ANO7: variants seen among roughly 807,000 people sequenced by gnomAD.
The protein encoded by ANO7 is anoctamin 7, also known as anoctamin-7.
A neutral mutation model predicts 115.8 loss-of-function variants in ANO7; 114 were observed. The ratio of observed to expected loss-of-function variants is 0.98; its 90% confidence interval spans 0.85 to 1.15. The LOEUF (loss-of-function observed/expected upper bound fraction) is 1.15, where lower values mean the gene tolerates loss of function less well. ANO7 is among the 50% of genes most tolerant of loss of function. ANO7 has a pLI of 0.00. For synonymous variants in ANO7, 550 were observed against 498.2 expected, an observed-to-expected ratio of 1.10 and a Z score of -1.38; for missense variants, 1,302 against 1,201.2, an observed-to-expected ratio of 1.08 and a Z score of -1.24.
the ANO7 span, chr2:241,238,502 G>T: frequency 3.4e-6 from 2 of 582,878 alleles, no homozygotes; most frequent in Non-Finnish European, 5.7e-6. The surrounding 1 kb of genome is among the most constrained non-coding windows in gnomAD (Gnocchi z 4.9). Context: ...GCCAGGGAGT[G>T]ACCCTGAACC....
chr2:241,201,205 C>T (rs992295678), intron 6 of ANO7, 93 bp from the exon 7 acceptor site: 75 of 1,475,400 alleles, frequency 5.1e-5, no homozygotes, highest in Admixed American at 8.3e-5. Context: ...CCTTCTGCAC[C>T]GTTCACATGC....
rs1388569319 is a variant in ANO7, at chr2:241,207,613, C to T, written c.1020C>T (p.Cys340=). 1.3e-5 allele frequency: 21 copies of T among 1,613,686 alleles called. No homozygotes were observed. The highest frequency in any genetic ancestry group is 1.7e-5 in the Non-Finnish European group (20 of 1,179,996). ...GCAGCAAGGACAGCTTCGAGATGTGCCCACTTTGCCTCGACTGCCCTTTCT... is the reference window on the plus strand; with the variant it reads ...GCAGCAAGGACAGCTTCGAGATGTGTCCACTTTGCCTCGACTGCCCTTTCT... ...LCGSKDSFEM[C]PLCLDCPFWL... is the part of the protein sequence containing the mutation. The change falls in exon 11 of 25, where the codon TGC becomes TGT. Residue 340 remains cysteine (C), a synonymous_variant. Transcript: ENST00000674324.
chr2:241,189,280 G>A (rs1405208973), intron 1 of ANO7, among the ~76,000 whole-genome samples: 1 of 152,188 alleles, frequency 6.6e-6, no homozygotes, highest in African/African-American at 2.4e-5. Context: ...TGTCCCTCTG[G>A]GCCTCCGCTA....
At chr2:241,236,681 C>T in the ANO7 span, 1 of 1,614,072 alleles carries the variant, frequency 6.2e-7, no homozygotes, top group African/African-American at 1.3e-5. Flanking sequence ...TGTCACACCT[C>T]CTTGGAGAGC....
the ANO7 span, chr2:241,231,283 C>A: frequency 5.5e-6 from 1 of 181,404 alleles, no homozygotes; most frequent in African/African-American, 2.4e-5. Context: ...ACTCCCGGGG[C>A]TGAGGCACGA....
intron 10 of ANO7, 147 bp from the exon 11 acceptor site, chr2:241,207,427 A>AT (rs1039239762): frequency 1.1e-4 from 66 of 618,560 alleles, no homozygotes; most frequent in Middle Eastern, 3.5e-4. Flanking sequence ...TAAAACAACT[A>AT]TTTTTTTTAA....
chr2:241,232,319 A>C, the ANO7 span, among the ~76,000 whole-genome samples: 1 of 149,628 alleles, frequency 6.7e-6, no homozygotes, highest in Non-Finnish European at 1.5e-5. Flanking sequence ...TCTGTCGCCC[A>C]GGCTGGAGTG....
In ANO7 at chr2:241,203,362, G is replaced by A. The variant is rs1251536933; in HGVS notation, c.753G>A (p.Pro251=). The A allele has an allele frequency of 1.8e-5, 28 of 1,580,086 alleles. No individual in the cohort carries two copies. The highest frequency in any genetic ancestry group is 2.3e-5 in the East Asian group (1 of 42,912). ...CCTTCAAGACGCCCCCAGAGGGCCC[G>A]CAGGCTCCACGCCTCAACCAGCGCC... ...DGPFKTPPEG[P]QAPRLNQRQV... Residue 251 remains proline (P), a synonymous_variant, in exon 9 of 25, where the codon CCG becomes CCA. Coordinates refer to ENST00000674324, the MANE Select transcript of ANO7 (RefSeq NM_001370694.2). The surrounding 1 kb of genome is among the most constrained non-coding windows in gnomAD (Gnocchi z 4.8).
the ANO7 span, among the ~76,000 whole-genome samples, chr2:241,231,889 G>A: frequency 1.9e-4 from 19 of 98,830 alleles, no homozygotes; most frequent in Non-Finnish European, 3.1e-4. Context: ...ACTAGAGGAC[G>A]GGGACAAATC....
rs2069068979 is a variant in ANO7, at chr2:241,223,221, C to T, written c.2357C>T (p.Ser786Phe). 6.2e-7 allele frequency: 1 copy of T among 1,614,092 alleles called. No homozygotes were observed. The highest frequency in any genetic ancestry group is 1.7e-5 in the Admixed American group (1 of 60,006). ...RAFRDDDGHY[S>F]QTYWNLLAIR... ...TTCCGGGATGACGATGGACATTATT[C>T]CCAGACCTACTGGAATCTTCTTGCC... is the stretch of plus-strand genomic sequence containing the variant. Residue 786 changes from serine to phenylalanine, a missense_variant, in exon 22 of 25, where the codon TCC becomes TTC. By Grantham distance (155) the Ser-to-Phe change is radical (BLOSUM62 -2). Transcript: ENST00000674324.
chr2:241,224,285 C>T lies in ANO7; in HGVS notation c.*132C>T. ...TGCTGTTGTGCCTCATCTCTGGGCA[C>T]ATTGCCTGCTTCCCCCCAGCGCCGG... is the stretch of plus-strand genomic sequence containing the variant. On this transcript the variant is annotated 3_prime_UTR_variant, in exon 25 of 25. Transcript: ENST00000674324. 1 of 1,003,842 alleles carries T rather than the reference C, an allele frequency of 1.0e-6. No homozygotes were observed. The highest frequency in any genetic ancestry group is 1.5e-6 in the Non-Finnish European group (1 of 685,996). The allele number at this position is 1,003,842 out of a possible 1,614,324, so 62.2% of individuals were successfully genotyped here.
downstream of ANO7, chr2:241,229,987 G>A: frequency 6.3e-7 from 1 of 1,582,350 alleles, no homozygotes; most frequent in Non-Finnish European, 8.6e-7. Flanking sequence ...AGGAAGACAG[G>A]GTCAGTCTGC....
At chr2:241,230,305 C>A, downstream of ANO7, 1 of 1,267,442 alleles carries the variant, frequency 7.9e-7, no homozygotes. The surrounding 1 kb of genome is among the most constrained non-coding windows in gnomAD (Gnocchi z 5.0). Flanking sequence ...GAGGGGACTC[C>A]AAGCGAGGAA....
In ANO7 at chr2:241,215,257, G is replaced by C. The variant is rs13382808; in HGVS notation, c.1826+355G>C. Among the ~76,000 whole-genome samples, 1,017 of 152,318 alleles carry C rather than the reference G, an allele frequency of 6.7e-3. 12 individuals carry two copies. Among genetic ancestry groups the C allele is most frequent in the African/African-American group, 0.023 (956 of 41,554 alleles). On this transcript the variant is annotated intron_variant, in intron 18 of 24. Coordinates refer to ENST00000674324, the MANE Select transcript of ANO7 (RefSeq NM_001370694.2). ...CCAGAGTATTCCTTGGCATCCCCAG[G>C]CCCCAACGCAGCACAAGAGGGAGGA...
the ANO7 span, chr2:241,239,554 G>T: frequency 6.7e-7 from 1 of 1,493,622 alleles, no homozygotes; most frequent in African/African-American, 1.4e-5. This position sits in a 1 kb window ranked among gnomAD's most constrained non-coding sequence, Gnocchi z 4.6. Flanking sequence ...GCTTCGGTGA[G>T]TGGCCACTGG....
chr2:241,199,481 G>C (rs548999802), intron 5 of ANO7, 58 bp downstream of exon 5: 5 of 1,559,538 alleles, frequency 3.2e-6, no homozygotes, highest in East Asian at 2.3e-5. Flanking sequence ...CACACACTGC[G>C]TTCAGCTGCC....
chr2:241,231,007 A>G, the ANO7 span: 1 of 1,460,780 alleles, frequency 6.8e-7, no homozygotes. Context: ...CAGGGGCAAG[A>G]GCCGGCCCCC....
chr2:241,196,541 G>A (rs960312390), intron 4 of ANO7, among the ~76,000 whole-genome samples: 3 of 152,236 alleles, frequency 2.0e-5, no homozygotes, highest in Non-Finnish European at 4.4e-5. Flanking sequence ...TCGATCCTGA[G>A]TTTTATGTTC....
In ANO7 at chr2:241,204,359, G is replaced by C. The variant is rs1238322663; in HGVS notation, c.890-506G>C. On this transcript the variant is annotated intron_variant, in intron 9 of 24. Transcript: ENST00000674324. ...GACTAGCCCTATGGGAGGCAGTGGG[G>C]GTACATGCTGAGGGCCTGGGGTAAC... 3.3e-5 allele frequency among the ~76,000 whole-genome samples: 5 copies of C among 151,388 alleles called. No individual in the cohort carries two copies. The East Asian group carries it at 9.7e-4, about 29-fold the overall frequency.
Sources: gnomAD v4.1 joint callset for allele counts (sites outside exome capture counted in the v4.1 genomes callset) on GRCh38, gnomAD v4.1.1 for gene constraint, Gnocchi (gnomAD v3.1) non-coding constraint, MANE v1.5 for transcripts, NCBI Gene and HGNC (gene_info 2026-07-23, HGNC 2026-07-21) for gene names.